Variants in TNS3 observed in about 807,000 individuals in gnomAD.
The protein encoded by TNS3 is tensin 3.
Under a neutral mutation model 140.9 loss-of-function variants are expected in TNS3, and 45 were observed. The observed-to-expected ratio is 0.32, with a 90% confidence interval of 0.25 to 0.41. TNS3 has a LOEUF of 0.41. TNS3 is among the 10% of genes least tolerant of loss of function. The pLI, the probability that TNS3 is intolerant of heterozygous loss-of-function variation, is 1.00. For missense variants in TNS3, 1,716 were observed against 1,906.7 expected, an observed-to-expected ratio of 0.90 and a Z score of 1.86; for synonymous variants, 815 against 788.4, an observed-to-expected ratio of 1.03 and a Z score of -0.56.
intron 20 of TNS3, among the ~76,000 whole-genome samples, chr7:47,312,520 T>C (rs1314089791): frequency 9.2e-5 from 14 of 151,896 alleles, no homozygotes; most frequent in Non-Finnish European, 1.5e-4. Context: ...CTAGCCAACA[T>C]GGTGAAACCC....
chr7:47,308,934 GCT>G (rs1786917432), intron 20 of TNS3, among the ~76,000 whole-genome samples: 1 of 152,146 alleles, frequency 6.6e-6, no homozygotes, highest in Non-Finnish European at 1.5e-5. Context: ...ATCTCCAACA[GCT>G]CTCTCTCTGT....
intron 21 of TNS3, 91 bp downstream of exon 21, chr7:47,304,741 G>T: frequency 8.0e-7 from 1 of 1,244,950 alleles, no homozygotes; most frequent in Non-Finnish European, 1.0e-6. Context: ...CAGCTTCTCT[G>T]AAGAGCAAGC....
intron 3 of TNS3, among the ~76,000 whole-genome samples, chr7:47,484,315 C>G (rs1347719754): frequency 6.6e-6 from 1 of 152,214 alleles, no homozygotes; most frequent in African/African-American, 2.4e-5. Flanking sequence ...TCTATAAGTA[C>G]AAACATCTCA....
rs185253166 is a variant in TNS3, at chr7:47,442,163, T to A, written c.-75-108A>T. ...TGACAGCCGTTCCACAGTTTAATCA[T>A]AAACAGCAAGTCAATCGTAACTACA... On this transcript the variant is annotated intron_variant, in intron 4 of 30. Transcript: ENST00000311160. 1.3e-4 allele frequency: 89 copies of A among 661,092 alleles called. 1 individual carries two copies. The East Asian group carries it at 5.3e-3, about 39-fold the overall frequency. 41.0% of individuals were successfully genotyped at this position (661,092 alleles called of 1,614,324 possible).
At chr7:47,409,615 G>T (rs1231688920) in intron 13 of TNS3, among the ~76,000 whole-genome samples, 2 of 151,998 alleles carry the variant, frequency 1.3e-5, no homozygotes, top group African/African-American at 4.8e-5. Flanking sequence ...ATGAGGGCGG[G>T]TGCAAATCCT....
intron 17 of TNS3, among the ~76,000 whole-genome samples, chr7:47,349,407 A>G (rs1431588993): frequency 2.0e-5 from 3 of 152,214 alleles, no homozygotes; most frequent in Admixed American, 2.0e-4. Context: ...TGCCACTGGG[A>G]CCACCAGGAG....
chr7:47,424,628 G>T (rs768415751), intron 9 of TNS3, among the ~76,000 whole-genome samples: 13 of 152,148 alleles, frequency 8.5e-5, no homozygotes, highest in Non-Finnish European at 1.6e-4. Flanking sequence ...GGACCACATG[G>T]ATGCAGGGAG....
intron 4 of TNS3, among the ~76,000 whole-genome samples, chr7:47,458,393 C>G (rs935072343): frequency 3.9e-5 from 6 of 152,248 alleles, no homozygotes; most frequent in African/African-American, 1.4e-4. Flanking sequence ...AGGCTTCCAT[C>G]TGGAAGTGCC....
chr7:47,356,104 C>G (rs972037940), intron 17 of TNS3, among the ~76,000 whole-genome samples: 20 of 152,176 alleles, frequency 1.3e-4, no homozygotes, highest in African/African-American at 4.6e-4. Context: ...AGCAGGGTCA[C>G]AAATCTTAGA....
intron 8 of TNS3, among the ~76,000 whole-genome samples, chr7:47,431,691 G>A (rs1379591117): frequency 6.6e-6 from 1 of 152,132 alleles, no homozygotes; most frequent in Non-Finnish European, 1.5e-5. Flanking sequence ...AAAGGTCAGA[G>A]CAGAAACAAA....
intron 17 of TNS3, among the ~76,000 whole-genome samples, chr7:47,359,417 G>A (rs1004164640): frequency 2.2e-4 from 34 of 152,102 alleles, no homozygotes; most frequent in African/African-American, 7.5e-4. Flanking sequence ...GTGACTTCAG[G>A]GGGTATAAGG....
chr7:47,381,666 C>T (rs914592050), intron 16 of TNS3, among the ~76,000 whole-genome samples: 1 of 152,150 alleles, frequency 6.6e-6, no homozygotes, highest in Non-Finnish European at 1.5e-5. Context: ...TTTTAAATCA[C>T]CCGAGATGGC....
chr7:47,532,246 C>G (rs1020948510), intron 1 of TNS3, among the ~76,000 whole-genome samples: 21 of 152,152 alleles, frequency 1.4e-4, no homozygotes, highest in Admixed American at 1.3e-3. Context: ...AAGGCCCCAC[C>G]TTCAGGCCAG....
At chr7:47,500,222 C>A (rs1354978811) in intron 3 of TNS3, among the ~76,000 whole-genome samples, 4 of 151,934 alleles carry the variant, frequency 2.6e-5, no homozygotes, top group African/African-American at 9.7e-5. Context: ...GCATCTGGGT[C>A]CAGCTCTGTG....
Position 47,278,200 on chromosome 7 carries a change from C to T in TNS3, c.4214G>A (p.Arg1405Gln), listed in dbSNP as rs1303912195. 13 of 1,614,028 alleles carry T rather than the reference C, an allele frequency of 8.1e-6. No individual in the cohort carries two copies. The highest frequency in any genetic ancestry group is 1.0e-5 in the Non-Finnish European group (12 of 1,179,958). Residue 1405 changes from arginine to glutamine, a missense_variant, in exon 31 of 31, where the codon CGG becomes CAG. Physicochemically the swap from Arg to Gln is conservative, Grantham distance 43 (BLOSUM62 1). Transcript: ENST00000311160. ...PSSKVFGFVA[R>Q]KQGSATDNVC... ...ATTATCCGTGGCACTGCCCTGCTTC[C>T]GGGCCACAAATCCAAAGACTCTGCC...
intron 3 of TNS3, among the ~76,000 whole-genome samples, chr7:47,489,062 C>A (rs990024435): frequency 1.3e-5 from 2 of 152,140 alleles, no homozygotes; most frequent in Non-Finnish European, 2.9e-5. Context: ...CAGGCTTGAC[C>A]CTGGAATCCC....
At chr7:47,416,215 G>A (rs893133976) in intron 10 of TNS3, among the ~76,000 whole-genome samples, 1 of 152,178 alleles carries the variant, frequency 6.6e-6, no homozygotes, top group Admixed American at 6.5e-5. Flanking sequence ...TCTCTCTACT[G>A]CCATGGCAGA....
chr7:47,449,457 C>G (rs535957115), intron 4 of TNS3, among the ~76,000 whole-genome samples: 1 of 152,178 alleles, frequency 6.6e-6, no homozygotes, highest in African/African-American at 2.4e-5. Flanking sequence ...GTTTAGAATG[C>G]TCCTCATTCA....
Position 47,386,638 on chromosome 7 carries a change from C to T in TNS3, c.1024+10162G>A, listed in dbSNP as rs1313424264. Among the ~76,000 whole-genome samples the T allele has an allele frequency of 5.3e-5, 8 of 152,196 alleles. No individual in the cohort carries two copies. The East Asian group carries it at 9.6e-4, about 18-fold the overall frequency. ...ATATGGCTGTGCTGAGGCAACGAGC[C>T]GAGGCGGTCTCAGCTTTGCTCAGCC... On this transcript the variant is annotated intron_variant, in intron 16 of 30. Transcript: ENST00000311160.
Sources: allele counts gnomAD v4.1 joint callset (sites outside exome capture counted in the v4.1 genomes callset), GRCh38; gene constraint gnomAD v4.1.1; transcripts MANE v1.5; gene names NCBI Gene and HGNC (gene_info 2026-07-23, HGNC 2026-07-21).